The following INTS15 variants were observed in gnomAD, a reference collection of about 807,000 sequenced individuals.
The protein encoded by INTS15 is uncharacterized protein C7orf26.
chr7:6,590,096 C>T, the INTS15 span: 7 of 385,630 alleles, frequency 1.8e-5, no homozygotes, highest in East Asian at 9.1e-5. Flanking sequence ...CTTCGGGCGC[C>T]TGCTGGCCGG....
chr7:6,594,353 AGGT>A, the INTS15 span: 13 of 1,392,012 alleles, frequency 9.3e-6, no homozygotes, highest in East Asian at 2.8e-4. Flanking sequence ...CCATTTCTGG[AGGT>A]GGTCACTGTG....
chr7:6,604,763 T>TG, the INTS15 span, among the ~76,000 whole-genome samples: 2 of 152,064 alleles, frequency 1.3e-5, no homozygotes, highest in African/African-American at 4.8e-5. Context: ...CATCCTTGTG[T>TG]GGGGGTTGGG....
chr7:6,593,649 G>GTTTTT, the INTS15 span, among the ~76,000 whole-genome samples: 1 of 130,732 alleles, frequency 7.6e-6, no homozygotes, highest in Non-Finnish European at 1.6e-5. Context: ...GTGTTTTTCT[G>GTTTTT]TTTTTTTTTT....
the INTS15 span, among the ~76,000 whole-genome samples, chr7:6,598,128 G>A: frequency 3.3e-5 from 5 of 152,106 alleles, no homozygotes; most frequent in African/African-American, 1.2e-4. Context: ...TGGAGAGGTG[G>A]GTATGACCTG....
At chr7:6,599,767 C>G in the INTS15 span, 2 of 1,535,198 alleles carry the variant, frequency 1.3e-6, no homozygotes, top group Non-Finnish European at 1.8e-6. Context: ...TTCCCTCTCT[C>G]CACTTCCCGC....
the INTS15 span, chr7:6,600,508 C>G: frequency 2.6e-6 from 2 of 777,658 alleles, no homozygotes; most frequent in Non-Finnish European, 4.0e-6. Flanking sequence ...CCAGCCGTGC[C>G]CCCTGCATTC....
At chr7:6,604,983 C>T in the INTS15 span, among the ~76,000 whole-genome samples, 1 of 151,946 alleles carries the variant, frequency 6.6e-6, no homozygotes, top group African/African-American at 2.4e-5. Flanking sequence ...TTTTCTTTTT[C>T]TCTTTGTTTT....
At chr7:6,590,317 G>A in the INTS15 span, 2 of 1,589,688 alleles carry the variant, frequency 1.3e-6, no homozygotes, top group Non-Finnish European at 8.5e-7. Flanking sequence ...GCTGCGCCGC[G>A]ATGCGCTGAG....
the INTS15 span, among the ~76,000 whole-genome samples, chr7:6,596,088 G>T: frequency 2.7e-5 from 4 of 149,128 alleles, no homozygotes; most frequent in Non-Finnish European, 5.9e-5. Context: ...GTCTCCCTCT[G>T]TCGCCCAGGC....
At chr7:6,593,075 T>C in the INTS15 span, among the ~76,000 whole-genome samples, 2 of 152,164 alleles carry the variant, frequency 1.3e-5, no homozygotes, top group Admixed American at 1.3e-4. Context: ...AGTTGTCATT[T>C]CCTCACCTGA....
the INTS15 span, chr7:6,590,575 C>T: frequency 7.9e-6 from 11 of 1,395,536 alleles, no homozygotes; most frequent in Non-Finnish European, 9.3e-6. Context: ...CGCCCCATGT[C>T]CAGGATCCCC....
chr7:6,608,183 G>A, the INTS15 span: 2 of 1,544,398 alleles, frequency 1.3e-6, no homozygotes, highest in Non-Finnish European at 1.7e-6. Flanking sequence ...TGTGCCTTCT[G>A]CGCTCTCGCT....
At chr7:6,607,791 C>A in the INTS15 span, 36 of 1,484,852 alleles carry the variant, frequency 2.4e-5, no homozygotes, top group Non-Finnish European at 3.1e-5. The surrounding 1 kb of genome is among the most constrained non-coding windows in gnomAD (Gnocchi z 6.0). Context: ...CCTGTGGGGT[C>A]CTGGCTCTGC....
At chr7:6,600,968 CTTTA>C in the INTS15 span, among the ~76,000 whole-genome samples, 8 of 151,444 alleles carry the variant, frequency 5.3e-5, no homozygotes, top group South Asian at 2.1e-4. Context: ...TTTTATTTCT[CTTTA>C]TTTATTTTTA....
At chr7:6,599,910 T>C in the INTS15 span, 1 of 1,614,236 alleles carries the variant, frequency 6.2e-7, no homozygotes, top group Non-Finnish European at 8.5e-7. Flanking sequence ...CTCATCACTT[T>C]TTTAAATACT....
chr7:6,590,045 GCGGCAGCTCC>G, the INTS15 span: 2 of 240,356 alleles, frequency 8.3e-6, no homozygotes, highest in Admixed American at 5.7e-5. Flanking sequence ...CGGCTGCGCG[GCGGCAGCTCC>G]CGGCGGCTCC....
At chr7:6,599,267 T>G in the INTS15 span, among the ~76,000 whole-genome samples, 1 of 152,182 alleles carries the variant, frequency 6.6e-6, no homozygotes, top group Admixed American at 6.5e-5. Context: ...CTTCTCTGTC[T>G]GGGCCACAGA....
the INTS15 span, among the ~76,000 whole-genome samples, chr7:6,596,501 C>T: frequency 1.3e-5 from 2 of 149,334 alleles, no homozygotes; most frequent in African/African-American, 4.9e-5. Flanking sequence ...TCCTCAGCCT[C>T]CCGAGTAGCT....
chr7:6,593,944 C>T, the INTS15 span, among the ~76,000 whole-genome samples: 2 of 151,736 alleles, frequency 1.3e-5, no homozygotes, highest in Non-Finnish European at 2.9e-5. Context: ...AGCCGCCGTG[C>T]CCAGCCTGGT....
Sources: gnomAD v4.1 joint callset for allele counts (sites outside exome capture counted in the v4.1 genomes callset) on GRCh38, gnomAD v4.1.1 for gene constraint, Gnocchi (gnomAD v3.1) non-coding constraint, MANE v1.5 for transcripts, NCBI Gene and HGNC (gene_info 2026-07-23, HGNC 2026-07-21) for gene names.